The following SORCS2 variants were observed in gnomAD, a reference collection of about 807,000 sequenced individuals.
SORCS2 encodes the protein sortilin related VPS10 domain containing receptor 2, also known as VPS10 domain-containing receptor SorCS2.
A neutral mutation model predicts 141.6 loss-of-function variants in SORCS2; 100 were observed. The observed-to-expected ratio is 0.71, with a 90% CI of 0.60 to 0.83. The LOEUF (loss-of-function observed/expected upper bound fraction) is 0.83. Among genes scored for constraint, SORCS2 ranks in the 40% least tolerant of loss-of-function variants. The pLI, the probability that SORCS2 is intolerant of heterozygous loss-of-function variation, is 0.00. For synonymous variants in SORCS2, 789 were observed against 676.9 expected (o/e 1.17, Z -2.57); for missense variants, 1,646 against 1,560.2 (o/e 1.05, Z -0.93).
intron 23 of SORCS2, among the ~76,000 whole-genome samples, chr4:7,731,557 C>G (rs1711688913): frequency 6.6e-6 from 1 of 152,194 alleles, no homozygotes; most frequent in Non-Finnish European, 1.5e-5. Flanking sequence ...CACTCCCTGA[C>G]TTCACAATGC....
chr4:7,734,240 A>G (rs1180866325), intron 24 of SORCS2, 32 bp from the exon 25 acceptor site: 13 of 1,527,070 alleles, frequency 8.5e-6, no homozygotes, highest in Non-Finnish European at 1.1e-5. Flanking sequence ...GCGGTGCCCG[A>G]GGTCCTCCAC....
intron 3 of SORCS2, among the ~76,000 whole-genome samples, chr4:7,566,477 T>G (rs1715025800): frequency 6.6e-6 from 1 of 152,214 alleles, no homozygotes; most frequent in Non-Finnish European, 1.5e-5. Context: ...AACATTCTTA[T>G]TTTTACCACC....
intron 1 of SORCS2, among the ~76,000 whole-genome samples, chr4:7,311,818 A>C (rs904231113): frequency 6.6e-6 from 1 of 152,176 alleles, no homozygotes; most frequent in Non-Finnish European, 1.5e-5. Flanking sequence ...TGTGATTTGC[A>C]AATATTTTCT....
At chr4:7,369,016 CTCTT>C (rs1722083994) in intron 1 of SORCS2, among the ~76,000 whole-genome samples, 2 of 152,220 alleles carry the variant, frequency 1.3e-5, no homozygotes, top group South Asian at 4.1e-4. Context: ...TCCATTAAAC[CTCTT>C]TCTTAGGCTG....
chr4:7,627,129 G>C (rs908586764), intron 3 of SORCS2, among the ~76,000 whole-genome samples: 1 of 152,064 alleles, frequency 6.6e-6, no homozygotes, highest in East Asian at 1.9e-4. Context: ...GGGACTACAC[G>C]TGCGTGCCAC....
intron 3 of SORCS2, among the ~76,000 whole-genome samples, chr4:7,595,452 A>C (rs1246145428): frequency 3.9e-5 from 6 of 152,258 alleles, no homozygotes; most frequent in African/African-American, 1.4e-4. Context: ...GTTAGGGCTG[A>C]AAGCCCCAAA....
chr4:7,569,056 C>T lies in SORCS2; in HGVS notation c.648+37427C>T, dbSNP rs1715205729. Among the ~76,000 whole-genome samples the T allele has an allele frequency of 2.6e-5, 4 of 152,226 alleles. No individual in the cohort carries two copies. In the South Asian group the frequency reaches 8.3e-4, roughly 32 times the overall value. On this transcript the variant is annotated intron_variant, in intron 3 of 26. Transcript: ENST00000507866. ...TTCTTGGGGATGTCTGTATCAGTAG[C>T]TGTGTGGCAAGCTACAGGAGCTCTG... is the stretch of plus-strand genomic sequence containing the variant.
At chr4:7,229,639 G>A (rs1711671683) in intron 1 of SORCS2, among the ~76,000 whole-genome samples, 1 of 152,246 alleles carries the variant, frequency 6.6e-6, no homozygotes, top group Admixed American at 6.5e-5. Flanking sequence ...GTCACTCCGA[G>A]GCTGAAAAAG....
intron 2 of SORCS2, among the ~76,000 whole-genome samples, chr4:7,423,403 G>C (rs1329673986): frequency 6.6e-6 from 1 of 152,202 alleles, no homozygotes; most frequent in African/African-American, 2.4e-5. Flanking sequence ...CCTGTGGTGT[G>C]GAAAGCAGGG....
intron 2 of SORCS2, among the ~76,000 whole-genome samples, chr4:7,523,498 G>T (rs572904055): frequency 2.6e-5 from 4 of 152,114 alleles, no homozygotes; most frequent in Admixed American, 6.6e-5. Flanking sequence ...GCTTCAGGAG[G>T]GGGTAGTACT....
intron 3 of SORCS2, among the ~76,000 whole-genome samples, chr4:7,609,395 T>C (rs917186557): frequency 2.0e-5 from 3 of 152,190 alleles, no homozygotes; most frequent in African/African-American, 7.2e-5. Context: ...TGGATCAATG[T>C]GGCAGTCAAG....
At chr4:7,356,492 G>GGAGAGAGATGGAGAGAGAGA (rs1721261096) in intron 1 of SORCS2, among the ~76,000 whole-genome samples, 1 of 151,936 alleles carries the variant, frequency 6.6e-6, no homozygotes, top group African/African-American at 2.4e-5. Context: ...GGAGAGAGAT[G>GGAGAGAGATGGAGAGAGAGA]GAGAGAGATG....
chr4:7,293,492 C>T (rs1577363155), intron 1 of SORCS2, among the ~76,000 whole-genome samples: 1 of 152,144 alleles, frequency 6.6e-6, no homozygotes. Context: ...GATCCCTCTG[C>T]TGTTGGTTAT....
At chr4:7,650,914 G>A (rs965839880) in intron 4 of SORCS2, among the ~76,000 whole-genome samples, 2 of 152,132 alleles carry the variant, frequency 1.3e-5, no homozygotes, top group African/African-American at 2.4e-5. Context: ...CTTCTGGGGT[G>A]CAAAGGATCC....
chr4:7,597,018 G>A (rs539557333), intron 3 of SORCS2, among the ~76,000 whole-genome samples: 1 of 152,142 alleles, frequency 6.6e-6, no homozygotes, highest in South Asian at 2.1e-4. Flanking sequence ...TCGTGAAAGT[G>A]CCACCTCTCT....
intron 3 of SORCS2, among the ~76,000 whole-genome samples, chr4:7,532,209 C>G (rs574276480): frequency 6.6e-6 from 1 of 152,316 alleles, no homozygotes; most frequent in East Asian, 1.9e-4. Context: ...CTGGCCCACC[C>G]CCTGAGCCCA....
At chr4:7,435,301 G>A (rs767554785) in intron 2 of SORCS2, among the ~76,000 whole-genome samples, 5 of 152,122 alleles carry the variant, frequency 3.3e-5, no homozygotes, top group Admixed American at 2.0e-4. Context: ...CTCACACCCC[G>A]AGGAGTCTCT....
intron 3 of SORCS2, among the ~76,000 whole-genome samples, chr4:7,580,668 G>A (rs1284198031): frequency 6.6e-6 from 1 of 152,162 alleles, no homozygotes; most frequent in Non-Finnish European, 1.5e-5. Context: ...GCTACTATGG[G>A]CAGCAGCAAG....
intron 2 of SORCS2, among the ~76,000 whole-genome samples, chr4:7,501,082 T>C (rs1482008697): frequency 6.6e-6 from 1 of 152,192 alleles, no homozygotes; most frequent in African/African-American, 2.4e-5. Flanking sequence ...AAAGCACCTA[T>C]GTTTTTCTCA....
Sources: gnomAD v4.1 joint callset for allele counts (sites outside exome capture counted in the v4.1 genomes callset) on GRCh38, gnomAD v4.1.1 for gene constraint, MANE v1.5 for transcripts, NCBI Gene and HGNC (gene_info 2026-07-23, HGNC 2026-07-21) for gene names.